SGIP1: variants seen among roughly 807,000 people sequenced by gnomAD.
SGIP1 encodes SH3-containing GRB2-like protein 3-interacting protein 1.
SGIP1 carries 38 observed loss-of-function variants against 107.5 expected under a neutral mutation model. The ratio of observed to expected loss-of-function variants is 0.35; its 90% CI spans 0.27 to 0.46. SGIP1 has a LOEUF of 0.46. Ranked by LOEUF, SGIP1 falls within the 20% of genes least tolerant of loss-of-function variation. SGIP1 has a pLI of 1.00. For missense variants in SGIP1, 929 were observed against 1,019.5 expected (o/e 0.91, Z 1.21); for synonymous variants, 365 against 366.1 (o/e 1.00, Z 0.03).
At chr1:66,557,884 A>C (rs2058409592) in intron 1 of SGIP1, among the ~76,000 whole-genome samples, 1 of 152,130 alleles carries the variant, frequency 6.6e-6, no homozygotes, top group Non-Finnish European at 1.5e-5. Flanking sequence ...TTCAGTTTTA[A>C]ATACTTAATA....
At chr1:66,650,131 C>T (rs916225613) in intron 7 of SGIP1, among the ~76,000 whole-genome samples, 1 of 152,036 alleles carries the variant, frequency 6.6e-6, no homozygotes, top group African/African-American at 2.4e-5. Context: ...AATTTAGAGC[C>T]AAGACCAGTA....
In SGIP1 at chr1:66,749,786, C is replaced by A. The variant is rs185892463; in HGVS notation, c.*6691C>A. ...CGCAAAGTAAATGCTTGATGTTATT[C>A]ATTCACCATCACTCTAAGGTATTTT... On this transcript the variant is annotated 3_prime_UTR_variant, in exon 25 of 25. Transcript: ENST00000371037. Among the ~76,000 whole-genome samples, 3 of 151,988 alleles carry A rather than the reference C, an allele frequency of 2.0e-5. No homozygotes were observed. Among genetic ancestry groups the A allele is most frequent in the African/African-American group, 4.8e-5 (2 of 41,400 alleles).
At chr1:66,741,554 C>T (rs2094446209) in intron 24 of SGIP1, 118 bp downstream of exon 24, 1 of 1,074,226 alleles carries the variant, frequency 9.3e-7, no homozygotes, top group East Asian at 2.8e-5. Context: ...CTCCCAACCC[C>T]CATCCCAATT....
At chr1:66,579,725 T>C (rs1042892669) in intron 1 of SGIP1, among the ~76,000 whole-genome samples, 4 of 152,208 alleles carry the variant, frequency 2.6e-5, no homozygotes, top group African/African-American at 9.6e-5. Context: ...TCACCTTTCC[T>C]AACTTTATAA....
At chr1:66,714,258 A>G (rs527656568) in intron 18 of SGIP1, among the ~76,000 whole-genome samples, 1 of 152,252 alleles carries the variant, frequency 6.6e-6, no homozygotes, top group South Asian at 2.1e-4. Context: ...GTCCCTTGAC[A>G]TACAGATGGT....
At chr1:66,675,337 C>G (rs554486338) in intron 12 of SGIP1, among the ~76,000 whole-genome samples, 1 of 152,012 alleles carries the variant, frequency 6.6e-6, no homozygotes, top group Non-Finnish European at 1.5e-5. Context: ...AGATACACAC[C>G]CAGACCTGTC....
intron 1 of SGIP1, among the ~76,000 whole-genome samples, chr1:66,546,446 TAC>T (rs1021169825): frequency 1.3e-5 from 2 of 152,206 alleles, no homozygotes; most frequent in African/African-American, 4.8e-5. Context: ...CAACCACTAC[TAC>T]AGTTTGTTGA....
At chr1:66,673,133 C>T in intron 11 of SGIP1, 148 bp from the exon 12 acceptor site, 1 of 730,488 alleles carries the variant, frequency 1.4e-6, no homozygotes, top group Non-Finnish European at 2.4e-6. Context: ...CTTTCTAGCC[C>T]TAACGGGGCT....
chr1:66,591,038 G>A (rs546311072), intron 1 of SGIP1, among the ~76,000 whole-genome samples: 18 of 152,338 alleles, frequency 1.2e-4, no homozygotes, highest in Admixed American at 3.3e-4. Flanking sequence ...TTAAGGCAAT[G>A]GAGGTATTTT....
At position 66,639,952 on chromosome 1, in the gene SGIP1, T is replaced by C. The variant is rs541511707; in HGVS notation, c.228+119T>C. 11 of 770,656 alleles carry C rather than the reference T, an allele frequency of 1.4e-5. No individual in the cohort carries two copies. The East Asian group carries it at 2.7e-4, about 19-fold the overall frequency. The allele number at this position is 770,656 out of a possible 1,614,324, so 47.7% of individuals were successfully genotyped here. A position where few individuals can be genotyped will look rare whatever the true frequency, so the allele number is the denominator to read the frequency against. On this transcript the variant is annotated intron_variant, in intron 5 of 24. Coordinates refer to ENST00000371037, the MANE Select transcript of SGIP1 (RefSeq NM_032291.4). ...ATGCTCTCCATGTCATTAGGAAGTG[T>C]CTGGCATATTTAGGATGGGGCTAAG...
At position 66,745,714 on chromosome 1, in the gene SGIP1, C is replaced by A. The variant is rs2094543280; in HGVS notation, c.*2619C>A. 6.6e-6 allele frequency: 1 copy of A among 152,078 alleles called. No homozygotes were observed. Among genetic ancestry groups the A allele is most frequent in the Non-Finnish European group, 1.5e-5 (1 of 67,920 alleles). The allele number at this position is 152,078 out of a possible 1,614,324, so 9.4% of individuals were successfully genotyped here. A position where few individuals can be genotyped will look rare whatever the true frequency, so the allele number is the denominator to read the frequency against. ...TTCTAGTTAACCAGAACACCATTTC[C>A]TGAACGTTATGATCTTTAAAAGGTT... On this transcript the variant is annotated 3_prime_UTR_variant, in exon 25 of 25. Transcript: ENST00000371037.
intron 2 of SGIP1, among the ~76,000 whole-genome samples, chr1:66,632,030 C>T (rs1329667388): frequency 6.6e-6 from 1 of 152,118 alleles, no homozygotes; most frequent in Admixed American, 6.6e-5. Flanking sequence ...CCTACACTGC[C>T]CTAAAGTCCA....
In SGIP1 at chr1:66,693,467, A is replaced by T. The variant is rs2090297132; in HGVS notation, c.1571-1967A>T. 2.0e-5 allele frequency among the ~76,000 whole-genome samples: 3 copies of T among 152,190 alleles called. No individual in the cohort carries two copies. In the South Asian group the frequency reaches 6.2e-4, roughly 31 times the overall value. On this transcript the variant is annotated intron_variant, in intron 17 of 24. Transcript: ENST00000371037. ...AGATAATGAGGAATATTATCATTAA[A>T]TTGTAAATATGGAGTCAAGCTAATA... is the stretch of plus-strand genomic sequence containing the variant.
At chr1:66,595,070 G>A (rs1390523777) in intron 1 of SGIP1, among the ~76,000 whole-genome samples, 1 of 152,058 alleles carries the variant, frequency 6.6e-6, no homozygotes, top group African/African-American at 2.4e-5. Flanking sequence ...ATTTTCCAGG[G>A]GCACGCTGTT....
In SGIP1 at chr1:66,625,986, T is replaced by A. The variant is rs1167531744; in HGVS notation, c.74+76T>A. 4.4e-6 allele frequency: 5 copies of A among 1,133,070 alleles called. No homozygotes were observed. The Admixed American group carries it at 1.0e-4, about 23-fold the overall frequency. 70.2% of individuals were successfully genotyped at this position (1,133,070 alleles called of 1,614,324 possible). ...TGCTCTTATCACAGTCAATATAAGA[T>A]GGCCACAGTTTTCTCGGATATTGTG... On this transcript the variant is annotated intron_variant, in intron 2 of 24. Coordinates refer to ENST00000371037, the MANE Select transcript of SGIP1 (RefSeq NM_032291.4).
At position 66,633,084 on chromosome 1, in the gene SGIP1, G is replaced by C; in HGVS notation, c.89G>C (p.Arg30Thr). The change falls in exon 3 of 25, where the codon AGA (arginine) becomes ACA (threonine). Residue 30 changes from arginine (R) to threonine (T), a missense_variant. Physicochemically the swap from Arg to Thr is moderately conservative, Grantham distance 71. Transcript: ENST00000371037. The stretch of plus-strand genomic sequence containing the variant: ...TTTTGTTACAGAGGTTCACCAGATA[G>C]AGATGGAATTGTAAGTATTTAAATA... ...KDTDSTGSPD[R>T]DGIQPSPHEP... 1 of 1,537,122 alleles carries C rather than the reference G, an allele frequency of 6.5e-7. No homozygotes were observed. Among genetic ancestry groups the C allele is most frequent in the Non-Finnish European group, 9.0e-7 (1 of 1,111,306 alleles).
At chr1:66,727,517 C>G (rs968025558) in intron 19 of SGIP1, among the ~76,000 whole-genome samples, 1 of 152,308 alleles carries the variant, frequency 6.6e-6, no homozygotes, top group Non-Finnish European at 1.5e-5. Flanking sequence ...GAGCTAGTGA[C>G]TCTCCTCCTG....
intron 12 of SGIP1, among the ~76,000 whole-genome samples, chr1:66,675,541 CTT>C (rs71242802): frequency 8.9e-6 from 1 of 112,388 alleles, no homozygotes; most frequent in Non-Finnish European, 1.7e-5. Context: ...CTTTTTCTTT[CTT>C]TTTTTTTTTT....
intron 11 of SGIP1, among the ~76,000 whole-genome samples, chr1:66,672,237 G>T (rs1195003569): frequency 6.6e-6 from 1 of 152,114 alleles, no homozygotes; most frequent in African/African-American, 2.4e-5. Flanking sequence ...GAATGTGCAG[G>T]CCCCTTCCTG....
Sources: gnomAD v4.1 joint callset for allele counts (sites outside exome capture counted in the v4.1 genomes callset) on GRCh38, gnomAD v4.1.1 for gene constraint, MANE v1.5 for transcripts, NCBI Gene and HGNC (gene_info 2026-07-23, HGNC 2026-07-21) for gene names.